Variants in TP73 observed in about 807,000 individuals in gnomAD.
TP73 encodes the protein tumor protein p73, also known as p53-like transcription factor.
TP73 carries 25 observed loss-of-function variants against 62.5 expected under a neutral mutation model. The observed-to-expected ratio is 0.40, with a 90% confidence interval of 0.29 to 0.56. The LOEUF is 0.56. Ranked by LOEUF, TP73 falls within the 20% of genes least tolerant of loss-of-function variation. The probability of loss-of-function intolerance (pLI) is 0.46; values close to 1 mark genes in which losing one functional copy is unlikely to be tolerated. For missense variants in TP73, 754 were observed against 913.3 expected, an observed-to-expected ratio of 0.83 and a Z score of 2.25; for synonymous variants, 423 against 377.5, an observed-to-expected ratio of 1.12 and a Z score of -1.40.
rs1642300096 is a variant in TP73 at position 3,733,695 on chromosome 1, C to T, written c.*616C>T. The T allele has an allele frequency of 6.5e-6, 1 of 154,008 alleles. No individual in the cohort carries two copies. Among genetic ancestry groups the T allele is most frequent in the East Asian group, 1.9e-4 (1 of 5,162 alleles). 9.5% of individuals were successfully genotyped at this position (154,008 alleles called of 1,614,324 possible). On this transcript the variant is annotated 3_prime_UTR_variant, in exon 14 of 14. Coordinates refer to ENST00000378295, the MANE Select transcript of TP73 (RefSeq NM_005427.4). Reference sequence around the variant, plus strand: ...TCTGCAGGACCGCCTCCTTCCTGCCCCTAACAACAACCACAGTGTTGCTGA... The same window carrying T: ...TCTGCAGGACCGCCTCCTTCCTGCCTCTAACAACAACCACAGTGTTGCTGA...
intron 1 of TP73, among the ~76,000 whole-genome samples, chr1:3,673,594 G>A (rs766921163): frequency 1.4e-4 from 21 of 152,224 alleles, no homozygotes; most frequent in Non-Finnish European, 2.9e-4. Context: ...GCTAGAGCGC[G>A]GCAGAGGTGG....
At chr1:3,671,538 C>T (rs1645240579) in intron 1 of TP73, among the ~76,000 whole-genome samples, 1 of 152,230 alleles carries the variant, frequency 6.6e-6, no homozygotes. Context: ...TCGTTGTCTG[C>T]CCTGCAGGAG....
At position 3,727,016 on chromosome 1, in the gene TP73, A is replaced by G; in HGVS notation, c.733-99A>G. 4.1e-6 allele frequency: 4 copies of G among 966,960 alleles called. No homozygotes were observed. The South Asian group carries it at 6.2e-5, about 15-fold the overall frequency. 59.9% of individuals were successfully genotyped at this position (966,960 alleles called of 1,614,324 possible). On this transcript the variant is annotated intron_variant, in intron 6 of 13. Coordinates refer to ENST00000378295, the MANE Select transcript of TP73 (RefSeq NM_005427.4). Reference sequence around the variant, plus strand: ...TATAGAGCAGGGCATCCCCCTGCCTACGTGGAGCCAGGACCAGACATGGAG... The same window carrying G: ...TATAGAGCAGGGCATCCCCCTGCCTGCGTGGAGCCAGGACCAGACATGGAG...
rs1463856946 is a variant in TP73 at position 3,734,008 on chromosome 1, A to G, written c.*929A>G. 6.7e-6 allele frequency: 1 copy of G among 149,966 alleles called. No homozygotes were observed. The highest frequency in any genetic ancestry group is 1.5e-5 in the Non-Finnish European group (1 of 67,760). 9.3% of individuals were successfully genotyped at this position (149,966 alleles called of 1,614,324 possible). ...TGAGCCAGGCTGAGGAAGCTGAGTGAGAAGCCAGGTGGGCGGGACTTGTTC... is the reference window on the plus strand; with the variant it reads ...TGAGCCAGGCTGAGGAAGCTGAGTGGGAAGCCAGGTGGGCGGGACTTGTTC... On this transcript the variant is annotated 3_prime_UTR_variant, in exon 14 of 14. Transcript: ENST00000378295. This position sits in a 1 kb window ranked among gnomAD's most constrained non-coding sequence, Gnocchi z 4.4.
At chr1:3,675,764 T>G (rs1204438064) in intron 1 of TP73, among the ~76,000 whole-genome samples, 1 of 152,038 alleles carries the variant, frequency 6.6e-6, no homozygotes, top group Non-Finnish European at 1.5e-5. Flanking sequence ...TCCTGGCTTA[T>G]CAAAGGTGGT....
At chr1:3,653,386 G>A (rs1455810802) in intron 1 of TP73, among the ~76,000 whole-genome samples, 1 of 152,250 alleles carries the variant, frequency 6.6e-6, no homozygotes, top group East Asian at 1.9e-4. Context: ...CCTTTCCCGG[G>A]GCTTGGACTT....
Position 3,696,846 on chromosome 1 carries a change from C to A in TP73, c.187-10703C>A, listed in dbSNP as rs1482480371. 6.6e-6 allele frequency among the ~76,000 whole-genome samples: 1 copy of A among 152,142 alleles called. No homozygotes were observed. Among genetic ancestry groups the A allele is most frequent in the Admixed American group, 6.5e-5 (1 of 15,288 alleles). On this transcript the variant is annotated intron_variant, in intron 3 of 13. Coordinates refer to ENST00000378295, the MANE Select transcript of TP73 (RefSeq NM_005427.4). The surrounding 1 kb of genome is among the most constrained non-coding windows in gnomAD (Gnocchi z 4.1). Reference sequence around the variant, plus strand: ...GGAGATCCAGGGATCAGAGGAGCCACCCCACTCACCCGCCTGCTGTGCCTA... The same window carrying A: ...GGAGATCCAGGGATCAGAGGAGCCAACCCACTCACCCGCCTGCTGTGCCTA...
intron 4 of TP73, among the ~76,000 whole-genome samples, chr1:3,709,954 A>G (rs4582730): frequency 0.34 from 51,518 of 151,934 alleles, 9,311 homozygotes; most frequent in Non-Finnish European, 0.39. Flanking sequence ...CATCTAGGGT[A>G]TCTGCCACCC....
intron 3 of TP73, chr1:3,690,736 A>G (rs1013239282): frequency 1.1e-5 from 16 of 1,442,840 alleles, no homozygotes; most frequent in East Asian, 7.6e-5. Flanking sequence ...AACGGCCCGC[A>G]TGTTCCCCAG....
At chr1:3,685,642 A>G (rs573763521) in intron 3 of TP73, among the ~76,000 whole-genome samples, 19 of 152,344 alleles carry the variant, frequency 1.2e-4, no homozygotes, top group African/African-American at 4.6e-4. Context: ...AAGGGCGCCA[A>G]CGGGTGGGCT....
At chr1:3,678,577 A>G (rs1303732567) in intron 1 of TP73, among the ~76,000 whole-genome samples, 1 of 152,208 alleles carries the variant, frequency 6.6e-6, no homozygotes, top group Non-Finnish European at 1.5e-5. Flanking sequence ...CTTCCGGTTC[A>G]AGTTCCTCCG....
intron 1 of TP73, among the ~76,000 whole-genome samples, chr1:3,677,840 C>T (rs1645409620): frequency 6.6e-6 from 1 of 152,024 alleles, no homozygotes; most frequent in Non-Finnish European, 1.5e-5. Flanking sequence ...ACTGCAGGCA[C>T]ATGCCATCAC....
Position 3,733,083 on chromosome 1 carries a change from C to T in TP73, c.*4C>T, listed in dbSNP as rs1164676769. Reference sequence around the variant, plus strand: ...CACGGAGGCCGAGATCCACTGAGGGCCTCGCCTGGCTGCAGCCTGCGCCAC... The same window carrying T: ...CACGGAGGCCGAGATCCACTGAGGGTCTCGCCTGGCTGCAGCCTGCGCCAC... On this transcript the variant is annotated 3_prime_UTR_variant, in exon 14 of 14. Transcript: ENST00000378295. 6.6e-7 allele frequency: 1 copy of T among 1,526,404 alleles called. No individual in the cohort carries two copies. The highest frequency in any genetic ancestry group is 8.8e-7 in the Non-Finnish European group (1 of 1,139,190). The allele number at this position is 1,526,404 out of a possible 1,614,324, so 94.6% of individuals were successfully genotyped here. A position where few individuals can be genotyped will look rare whatever the true frequency, so the allele number is the denominator to read the frequency against.
chr1:3,731,323 C>G, intron 12 of TP73, 140 bp from the exon 13 acceptor site: 1 of 973,094 alleles, frequency 1.0e-6, no homozygotes, highest in Non-Finnish European at 1.5e-6. Context: ...TGAGGGATGC[C>G]GTGGCCACCT....
At chr1:3,718,159 G>A (rs928231814) in intron 4 of TP73, among the ~76,000 whole-genome samples, 3 of 152,204 alleles carry the variant, frequency 2.0e-5, no homozygotes, top group Non-Finnish European at 4.4e-5. Context: ...TGGTCCGGCC[G>A]CCGCCTGCAC....
chr1:3,682,346 C>T lies in TP73; in HGVS notation c.-20C>T, dbSNP rs1801173. The T allele has an allele frequency of 0.2, 307,988 of 1,513,362 alleles. 32,322 individuals carry two copies. The highest frequency in any genetic ancestry group is 0.28 in the Admixed American group (13,718 of 49,118). The allele number at this position is 1,513,362 out of a possible 1,614,324, so 93.7% of individuals were successfully genotyped here. A position where few individuals can be genotyped will look rare whatever the true frequency, so the allele number is the denominator to read the frequency against. On this transcript the variant is annotated 5_prime_UTR_variant, in exon 2 of 14. Coordinates refer to ENST00000378295, the MANE Select transcript of TP73 (RefSeq NM_005427.4). ...TCCTTCCTGCAGAGCGAGCTGCCCT[C>T]GGAGGCCGGCGTGGGGAAGATGGCC... is the stretch of plus-strand genomic sequence containing the variant.
At chr1:3,722,241 A>C (rs369046508) in intron 5 of TP73, 34 bp downstream of exon 5, 2 of 1,610,082 alleles carry the variant, frequency 1.2e-6, no homozygotes, top group African/African-American at 2.7e-5. Context: ...CCACGGTGGC[A>C]CTTTGCCCAG....
chr1:3,699,897 C>T lies in TP73; in HGVS notation c.187-7652C>T, dbSNP rs1342576956. On this transcript the variant is annotated intron_variant, in intron 3 of 13. Transcript: ENST00000378295. The surrounding 1 kb of genome is among the most constrained non-coding windows in gnomAD (Gnocchi z 4.1). ...CCTAAGTGATTAGGATCAGAGGAAT[C>T]TCTGTTTCCAAGAGAAGGGGGACTG... Among the ~76,000 whole-genome samples, 1 of 152,094 alleles carries T rather than the reference C, an allele frequency of 6.6e-6. No homozygotes were observed. The highest frequency in any genetic ancestry group is 1.5e-5 in the Non-Finnish European group (1 of 68,016).
At chr1:3,679,988 T>C (rs1317643724) in intron 1 of TP73, among the ~76,000 whole-genome samples, 1 of 152,050 alleles carries the variant, frequency 6.6e-6, no homozygotes, top group Non-Finnish European at 1.5e-5. Flanking sequence ...TCTGTCTCTC[T>C]TCCTGTCTTT....
Sources: gnomAD v4.1 joint callset for allele counts (sites outside exome capture counted in the v4.1 genomes callset) on GRCh38, gnomAD v4.1.1 for gene constraint, Gnocchi (gnomAD v3.1) non-coding constraint, MANE v1.5 for transcripts, NCBI Gene and HGNC (gene_info 2026-07-23, HGNC 2026-07-21) for gene names.